AK5: variants seen among roughly 807,000 people sequenced by gnomAD.
AK5 encodes adenylate kinase 5.
In AK5, 27 loss-of-function variants were observed where a neutral mutation model predicts 69.5. The observed-to-expected ratio is 0.39, with a 90% CI of 0.29 to 0.54. The LOEUF (loss-of-function observed/expected upper bound fraction) is 0.54, where lower values mean the gene tolerates loss of function less well. AK5 is among the 20% of genes least tolerant of loss of function. The pLI is 0.71. For synonymous variants in AK5, 260 were observed against 244.4 expected, an observed-to-expected ratio of 1.06 and a Z score of -0.60; for missense variants, 531 against 700.4, an observed-to-expected ratio of 0.76 and a Z score of 2.73.
intron 13 of AK5, among the ~76,000 whole-genome samples, chr1:77,546,986 A>G (rs1384954580): frequency 1.3e-5 from 2 of 152,192 alleles, no homozygotes; most frequent in Non-Finnish European, 2.9e-5. Context: ...CAAATAGATG[A>G]ATTAAAGTCG....
At chr1:77,287,513 A>G (rs1165923669) in intron 2 of AK5, among the ~76,000 whole-genome samples, 2 of 152,268 alleles carry the variant, frequency 1.3e-5, no homozygotes, top group African/African-American at 2.4e-5. Context: ...TTAGCTAGAA[A>G]GAGATTTGGC....
intron 8 of AK5, among the ~76,000 whole-genome samples, chr1:77,445,877 G>A (rs1053594155): frequency 6.6e-6 from 1 of 152,104 alleles, no homozygotes; most frequent in African/African-American, 2.4e-5. Context: ...GAGCCACCAC[G>A]CCTGGTCAGC....
At chr1:77,356,000 A>G (rs891276731) in intron 6 of AK5, among the ~76,000 whole-genome samples, 19 of 152,162 alleles carry the variant, frequency 1.2e-4, no homozygotes, top group South Asian at 6.2e-4. Flanking sequence ...CTTGAAAACC[A>G]TTTTTCAAAT....
chr1:77,314,606 C>G (rs1291527078), intron 5 of AK5: 1 of 151,992 alleles, frequency 6.6e-6, no homozygotes, highest in African/African-American at 2.4e-5. Flanking sequence ...ATTAGCATAT[C>G]CATCATCTCA....
intron 2 of AK5, 125 bp downstream of exon 2, chr1:77,287,252 C>T (rs4033037): frequency 0.077 from 47,490 of 613,024 alleles, 2,379 homozygotes; most frequent in South Asian, 0.2. Flanking sequence ...CATTGGATCA[C>T]GATTAATTTT....
intron 13 of AK5, among the ~76,000 whole-genome samples, chr1:77,543,452 C>A (rs1287318789): frequency 9.9e-6 from 1 of 101,266 alleles, no homozygotes; most frequent in Non-Finnish European, 2.6e-5. Context: ...GCTTCACACA[C>A]AAATGACAGT....
At chr1:77,346,700 G>T (rs1024371588) in intron 6 of AK5, among the ~76,000 whole-genome samples, 2 of 152,014 alleles carry the variant, frequency 1.3e-5, no homozygotes, top group Non-Finnish European at 2.9e-5. Context: ...GTCTCACTTT[G>T]TCCCTCAGGC....
intron 8 of AK5, among the ~76,000 whole-genome samples, chr1:77,422,841 T>C (rs902077755): frequency 6.6e-6 from 1 of 152,198 alleles, no homozygotes; most frequent in Non-Finnish European, 1.5e-5. Flanking sequence ...TTCTACTTAA[T>C]GTGTGATGTT....
At chr1:77,349,268 C>T (rs1662072377) in intron 6 of AK5, among the ~76,000 whole-genome samples, 1 of 151,894 alleles carries the variant, frequency 6.6e-6, no homozygotes, top group South Asian at 2.1e-4. Context: ...TGCACATGTA[C>T]CTCTGAACCT....
chr1:77,377,612 C>T (rs1647334174), intron 6 of AK5, among the ~76,000 whole-genome samples: 1 of 152,204 alleles, frequency 6.6e-6, no homozygotes, highest in Non-Finnish European at 1.5e-5. Context: ...ATGATCATGT[C>T]ACTCAACTGC....
At chr1:77,379,691 T>C (rs1570471326) in intron 6 of AK5, among the ~76,000 whole-genome samples, 2 of 152,214 alleles carry the variant, frequency 1.3e-5, no homozygotes, top group East Asian at 1.9e-4. Flanking sequence ...ACACAAGTTT[T>C]CCAAGTTGAA....
At chr1:77,319,802 C>T (rs926806200) in intron 5 of AK5, among the ~76,000 whole-genome samples, 3 of 152,178 alleles carry the variant, frequency 2.0e-5, no homozygotes, top group Non-Finnish European at 4.4e-5. Flanking sequence ...ATACTATTCT[C>T]AGATCCTACT....
At chr1:77,473,988 G>A (rs994023223) in intron 8 of AK5, among the ~76,000 whole-genome samples, 3 of 152,176 alleles carry the variant, frequency 2.0e-5, no homozygotes, top group African/African-American at 7.2e-5. Context: ...GTAAGAAGGG[G>A]CAGAATGTAA....
intron 3 of AK5, among the ~76,000 whole-genome samples, chr1:77,297,109 C>T (rs895963036): frequency 1.3e-5 from 2 of 152,082 alleles, no homozygotes; most frequent in East Asian, 1.9e-4. Context: ...TACTGGTAGG[C>T]GTTTGTCTAA....
At chr1:77,322,643 G>T (rs1660594612) in intron 5 of AK5, among the ~76,000 whole-genome samples, 1 of 152,156 alleles carries the variant, frequency 6.6e-6, no homozygotes, top group Non-Finnish European at 1.5e-5. Context: ...AGAAAATTGA[G>T]TCCCAGAGAG....
intron 8 of AK5, among the ~76,000 whole-genome samples, chr1:77,422,012 A>G (rs1346349738): frequency 2.0e-5 from 3 of 152,158 alleles, no homozygotes; most frequent in African/African-American, 7.2e-5. Context: ...GTCCAAAACC[A>G]CGCTCACCAT....
rs1660291889 is a variant in AK5, at chr1:77,559,096, A to C, written c.*426A>C. The stretch of plus-strand genomic sequence containing the variant: ...CCTCTTACATACTGTTCCCCAATGG[A>C]GGCCCCTGGCATAGGGGACAGCCCT... On this transcript the variant is annotated 3_prime_UTR_variant, in exon 14 of 14. Transcript: ENST00000354567. The C allele has an allele frequency of 6.5e-6, 1 of 153,994 alleles. No homozygotes were observed. The highest frequency in any genetic ancestry group is 1.4e-5 in the Non-Finnish European group (1 of 69,374). 9.5% of individuals were successfully genotyped at this position (153,994 alleles called of 1,614,324 possible).
At chr1:77,446,376 T>C (rs1379398736) in intron 8 of AK5, among the ~76,000 whole-genome samples, 1 of 152,256 alleles carries the variant, frequency 6.6e-6, no homozygotes, top group Non-Finnish European at 1.5e-5. Context: ...CCACCAACTT[T>C]GTTTTTCCTC....
chr1:77,283,427 G>C (rs907459483), intron 1 of AK5: 1 of 983,518 alleles, frequency 1.0e-6, no homozygotes, highest in African/African-American at 1.8e-5. Flanking sequence ...AAGGTCATGA[G>C]GGTTTTTCCC....
Sources: allele counts gnomAD v4.1 joint callset (sites outside exome capture counted in the v4.1 genomes callset), GRCh38; gene constraint gnomAD v4.1.1; transcripts MANE v1.5; gene names NCBI Gene and HGNC (gene_info 2026-07-23, HGNC 2026-07-21).